CDH13: variants seen among roughly 807,000 people sequenced by gnomAD.
CDH13 encodes the protein cadherin 13.
In CDH13, 24 loss-of-function variants were observed where a neutral mutation model predicts 63.8. The observed-to-expected ratio is 0.38, with a 90% confidence interval of 0.27 to 0.53. The LOEUF (loss-of-function observed/expected upper bound fraction) is 0.53. Among genes scored for constraint, CDH13 ranks in the 20% least tolerant of loss-of-function variants. The probability of loss-of-function intolerance (pLI) is 0.85; values close to 1 mark genes in which losing one functional copy is unlikely to be tolerated. For missense variants in CDH13, 1,049 were observed against 903.1 expected (o/e 1.16, Z -2.07); for synonymous variants, 503 against 355.3 (o/e 1.42, Z -4.67).
intron 1 of CDH13, among the ~76,000 whole-genome samples, chr16:82,757,428 T>C (rs1394683540): frequency 1.9e-5 from 2 of 105,294 alleles, no homozygotes; most frequent in Non-Finnish European, 4.6e-5. Context: ...AGCTCTCACA[T>C]GCCTGGGAGG....
intron 3 of CDH13, among the ~76,000 whole-genome samples, chr16:83,042,582 A>G (rs896814873): frequency 7.2e-5 from 11 of 152,226 alleles, no homozygotes; most frequent in Non-Finnish European, 1.5e-4. Flanking sequence ...AATGTAATGC[A>G]CTTGAATCAT....
At chr16:83,453,175 A>G (rs1373695878) in intron 6 of CDH13, among the ~76,000 whole-genome samples, 1 of 152,192 alleles carries the variant, frequency 6.6e-6, no homozygotes, top group East Asian at 1.9e-4. Context: ...ATGAAGATGC[A>G]AAGACATAAG....
At chr16:83,312,184 C>G (rs1383713018) in intron 5 of CDH13, among the ~76,000 whole-genome samples, 1 of 152,072 alleles carries the variant, frequency 6.6e-6, no homozygotes, top group South Asian at 2.1e-4. Flanking sequence ...CTCCTTCTCT[C>G]CCTGGTCTGC....
intron 8 of CDH13, among the ~76,000 whole-genome samples, chr16:83,633,871 A>C (rs1191418014): frequency 6.6e-6 from 1 of 152,210 alleles, no homozygotes; most frequent in African/African-American, 2.4e-5. Context: ...ATGTGATCCC[A>C]GAATGCATCA....
chr16:83,256,723 T>C (rs1353016804), intron 5 of CDH13, among the ~76,000 whole-genome samples: 1 of 149,706 alleles, frequency 6.7e-6, no homozygotes, highest in Non-Finnish European at 1.5e-5. Flanking sequence ...CGGCTGCCTG[T>C]AGTCCCAGCT....
intron 10 of CDH13, among the ~76,000 whole-genome samples, chr16:83,682,436 T>G (rs189347755): frequency 6.6e-6 from 1 of 152,160 alleles, no homozygotes; most frequent in African/African-American, 2.4e-5. Context: ...GCTGTGTTTT[T>G]CACAATTATG....
intron 5 of CDH13, among the ~76,000 whole-genome samples, chr16:83,274,997 G>A (rs373132804): frequency 4.9e-4 from 75 of 152,152 alleles, no homozygotes; most frequent in African/African-American, 1.6e-3. Flanking sequence ...TGTCTGACCC[G>A]GCACTCCCTA....
At chr16:82,741,940 T>G (rs561473727) in intron 1 of CDH13, among the ~76,000 whole-genome samples, 78 of 152,318 alleles carry the variant, frequency 5.1e-4, no homozygotes, top group South Asian at 4.1e-3. Flanking sequence ...TTAAATAATT[T>G]ATCAAGTGGA....
intron 2 of CDH13, among the ~76,000 whole-genome samples, chr16:82,914,020 A>T (rs1383658066): frequency 6.6e-6 from 1 of 151,700 alleles, no homozygotes; most frequent in African/African-American, 2.4e-5. Flanking sequence ...GAAGAAAGGT[A>T]TTGCTGTGTG....
At chr16:83,647,450 C>G (rs1177764851) in intron 8 of CDH13, among the ~76,000 whole-genome samples, 1 of 152,122 alleles carries the variant, frequency 6.6e-6, no homozygotes, top group Non-Finnish European at 1.5e-5. Flanking sequence ...TTTGCTTGTG[C>G]TTCCATAGCA....
At chr16:82,832,583 CAT>C (rs2038590255) in intron 1 of CDH13, among the ~76,000 whole-genome samples, 1 of 145,472 alleles carries the variant, frequency 6.9e-6, no homozygotes, top group African/African-American at 2.5e-5. Context: ...ATTTATAAAT[CAT>C]GTGCAAGATT....
intron 1 of CDH13, among the ~76,000 whole-genome samples, chr16:82,677,128 C>G (rs922973535): frequency 1.3e-5 from 2 of 152,220 alleles, no homozygotes. Context: ...ATGATCCACC[C>G]TCCTTGGCCT....
chr16:82,679,797 G>C (rs1036369710), intron 1 of CDH13, among the ~76,000 whole-genome samples: 3 of 152,186 alleles, frequency 2.0e-5, no homozygotes, highest in Admixed American at 6.5e-5. Context: ...ATAATACTAT[G>C]TTTGAACAGA....
intron 10 of CDH13, among the ~76,000 whole-genome samples, chr16:83,701,502 C>A (rs1255316318): frequency 6.6e-6 from 1 of 152,192 alleles, no homozygotes; most frequent in Non-Finnish European, 1.5e-5. Flanking sequence ...GTTGACTGAA[C>A]ATGCTTTCGC....
chr16:83,342,109 G>A (rs1008450484), intron 5 of CDH13, among the ~76,000 whole-genome samples: 5 of 151,934 alleles, frequency 3.3e-5, no homozygotes, highest in Non-Finnish European at 7.4e-5. Context: ...CTACCTGCAT[G>A]TGGCTACTGA....
intron 2 of CDH13, among the ~76,000 whole-genome samples, chr16:83,001,204 A>G (rs1251425043): frequency 6.6e-6 from 1 of 152,238 alleles, no homozygotes; most frequent in Non-Finnish European, 1.5e-5. Context: ...CAGCATAGAA[A>G]TCTGCACAGA....
chr16:83,786,777 G>C (rs546270343), intron 13 of CDH13, among the ~76,000 whole-genome samples: 43 of 152,054 alleles, frequency 2.8e-4, no homozygotes, highest in Admixed American at 1.9e-3. Context: ...TAGTAGAGAC[G>C]AGGTTTCACC....
At chr16:83,227,600 A>G (rs955084967) in intron 5 of CDH13, among the ~76,000 whole-genome samples, 1 of 152,200 alleles carries the variant, frequency 6.6e-6, no homozygotes, top group Non-Finnish European at 1.5e-5. Flanking sequence ...GTTTAATTGA[A>G]GCAGATGCGT....
chr16:82,727,800 T>C (rs2169448), intron 1 of CDH13: 151,674 of 152,278 alleles, frequency 1, 75,536 homozygotes, highest in Middle Eastern at 1. Context: ...CCCCAACCTA[T>C]GGGAATCTGC....
Sources: gnomAD v4.1 joint callset for allele counts (sites outside exome capture counted in the v4.1 genomes callset) on GRCh38, gnomAD v4.1.1 for gene constraint, MANE v1.5 for transcripts, NCBI Gene and HGNC (gene_info 2026-07-23, HGNC 2026-07-21) for gene names.